Variants in IFFO2 observed in about 807,000 individuals in gnomAD.
The protein encoded by IFFO2 is intermediate filament family orphan 2.
IFFO2 carries 19 observed loss-of-function variants against 53.5 expected under a neutral mutation model. The ratio of observed to expected loss-of-function variants is 0.36; its 90% CI spans 0.25 to 0.52. The LOEUF (loss-of-function observed/expected upper bound fraction) is 0.52, where lower values mean the gene tolerates loss of function less well. Among genes scored for constraint, IFFO2 ranks in the 20% least tolerant of loss-of-function variants. IFFO2 has a pLI of 0.94. For synonymous variants in IFFO2, 303 were observed against 313.6 expected (o/e 0.97, Z 0.36); for missense variants, 570 against 727.4 (o/e 0.78, Z 2.49).
intron 1 of IFFO2, among the ~76,000 whole-genome samples, chr1:18,923,448 C>A (rs1295659540): frequency 1.3e-5 from 2 of 152,222 alleles, no homozygotes; most frequent in Non-Finnish European, 2.9e-5. Flanking sequence ...AGATCTTTGG[C>A]TTTCCAGACA....
chr1:18,911,495 C>A lies in IFFO2; in HGVS notation c.1225-19G>T, dbSNP rs762534700. 16 of 1,127,302 alleles carry A rather than the reference C, an allele frequency of 1.4e-5. No individual in the cohort carries two copies. The highest frequency in any genetic ancestry group is 2.0e-5 in the Non-Finnish European group (16 of 815,022). 69.8% of individuals were successfully genotyped at this position (1,127,302 alleles called of 1,614,324 possible). ...CCTCTTGCTGGGGAAATAGAACAAA[C>A]GGGACAGTTTATTTTATTTATTTAT... is the stretch of plus-strand genomic sequence containing the variant. On this transcript the variant is annotated intron_variant, in intron 6 of 8. Coordinates refer to ENST00000455833, the MANE Select transcript of IFFO2 (RefSeq NM_001136265.2).
rs1014176370 is a variant in IFFO2, at chr1:18,918,859, C to A, written c.823-357G>T. ...CCCTTCTTTTCCCACCGGCACACCCCACCTGTCCCCCACACAGGCAGCTCT... is the reference window on the plus strand; with the variant it reads ...CCCTTCTTTTCCCACCGGCACACCCAACCTGTCCCCCACACAGGCAGCTCT... On this transcript the variant is annotated intron_variant, in intron 3 of 8. Transcript: ENST00000455833. This position sits in a 1 kb window ranked among gnomAD's most constrained non-coding sequence, Gnocchi z 5.2. Among the ~76,000 whole-genome samples the A allele has an allele frequency of 3.3e-5, 5 of 152,158 alleles. No individual in the cohort carries two copies. The highest frequency in any genetic ancestry group is 1.2e-4 in the African/African-American group (5 of 41,434).
chr1:18,943,823 G>A (rs1936552697), intron 1 of IFFO2, among the ~76,000 whole-genome samples: 1 of 152,204 alleles, frequency 6.6e-6, no homozygotes. Flanking sequence ...TTTGTAGGTG[G>A]AGGGAGCTTC....
chr1:18,955,839 G>C lies in IFFO2; in HGVS notation c.494C>G (p.Thr165Arg), dbSNP rs1274804486. The C allele has an allele frequency of 6.6e-7, 1 of 1,513,664 alleles. No homozygotes were observed. Among genetic ancestry groups the C allele is most frequent in the East Asian group, 2.6e-5 (1 of 37,950 alleles). 93.8% of individuals were successfully genotyped at this position (1,513,664 alleles called of 1,614,324 possible). Residue 165 changes from threonine to arginine, a missense_variant, in exon 1 of 9, where the codon ACG becomes AGG. Transcript: ENST00000455833. ...GCCGCCGCCCGTGCGCCGCACCTGC[G>C]TGTAGCTCCAGATGGTCCCGGGCAG... Reference protein sequence around the residue: ...GRLPGTIWSYTQVRRTGGGGV... With the variant: ...GRLPGTIWSYRQVRRTGGGGV...
chr1:18,936,548 T>C lies in IFFO2; in HGVS notation c.666-15427A>G, dbSNP rs934830120. ...GTGTGGGGGCCCCCAGGCCCAGGGT[T>C]ATGTTTACAGCTTTGAGAAAAACAG... On this transcript the variant is annotated intron_variant, in intron 1 of 8. Transcript: ENST00000455833. This position sits in a 1 kb window ranked among gnomAD's most constrained non-coding sequence, Gnocchi z 4.5. Among the ~76,000 whole-genome samples the C allele has an allele frequency of 6.6e-6, 1 of 152,218 alleles. No homozygotes were observed. Among genetic ancestry groups the C allele is most frequent in the Non-Finnish European group, 1.5e-5 (1 of 68,034 alleles).
chr1:18,953,973 C>T (rs752871413), intron 1 of IFFO2, among the ~76,000 whole-genome samples: 2 of 152,230 alleles, frequency 1.3e-5, no homozygotes, highest in African/African-American at 2.4e-5. Context: ...GGGCCCGGCC[C>T]ATCCCTCCCC....
rs1244040723 is a variant in IFFO2, at chr1:18,917,750, A to G, written c.963+612T>C. The stretch of plus-strand genomic sequence containing the variant: ...AATGACATGTGCCTCATTCGGCTGG[A>G]CTGGCCCCCCAAGCCCTCTCTGGAA... On this transcript the variant is annotated intron_variant, in intron 4 of 8. Transcript: ENST00000455833. This position sits in a 1 kb window ranked among gnomAD's most constrained non-coding sequence, Gnocchi z 5.9. Among the ~76,000 whole-genome samples, 1 of 151,840 alleles carries G rather than the reference A, an allele frequency of 6.6e-6. No homozygotes were observed. Among genetic ancestry groups the G allele is most frequent in the Non-Finnish European group, 1.5e-5 (1 of 67,992 alleles).
In IFFO2 at chr1:18,919,681, A is replaced by G. The variant is rs1936189408; in HGVS notation, c.819T>C (p.Ser273=). 1 of 1,550,224 alleles carries G rather than the reference A, an allele frequency of 6.5e-7. No homozygotes were observed. The highest frequency in any genetic ancestry group is 1.4e-5 in the African/African-American group (1 of 72,946). ...AELVVFKGLM[S]DPMTDLDTKI... ...AGGGGCGGCGGGCGGCACTTACGTC[A>G]CTCATAAGCCCCTTAAACACCACCA... The change falls in exon 3 of 9, where the codon AGT becomes AGC. Residue 273 remains serine (S), a synonymous_variant. Transcript: ENST00000455833. The surrounding 1 kb of genome is among the most constrained non-coding windows in gnomAD (Gnocchi z 4.9).
chr1:18,956,028 GAGA>G lies in IFFO2; in HGVS notation c.302_304del (p.Phe101del). ...CCCGGTCTGCACGGCCTGCTCGCGGGAGAAGGTCTTGTAGCGCAGCCGCCGCTC... is the reference window on the plus strand; with the variant it reads ...CCCGGTCTGCACGGCCTGCTCGCGGGAGGTCTTGTAGCGCAGCCGCCGCTC... On this transcript the variant is annotated inframe_deletion, in exon 1 of 9. Transcript: ENST00000455833. This position sits in a 1 kb window ranked among gnomAD's most constrained non-coding sequence, Gnocchi z 6.4. 14 of 1,451,244 alleles carry G rather than the reference GAGA, an allele frequency of 9.6e-6. No homozygotes were observed. Among genetic ancestry groups the G allele is most frequent in the Non-Finnish European group, 1.3e-5 (14 of 1,088,508 alleles). 89.9% of individuals were successfully genotyped at this position (1,451,244 alleles called of 1,614,324 possible). A position where few individuals can be genotyped will look rare whatever the true frequency, so the allele number is the denominator to read the frequency against.
In IFFO2 at chr1:18,916,039, CA is replaced by C. The variant is rs920394351; in HGVS notation, c.1103+863del. Among the ~76,000 whole-genome samples the C allele has an allele frequency of 6.6e-6, 1 of 151,974 alleles. No homozygotes were observed. The highest frequency in any genetic ancestry group is 1.5e-5 in the Non-Finnish European group (1 of 67,998). ...ACTTGGGAGGCTGAGGCAGGAGAAA[CA>C]CTGGAACCCGGGAGGCAGAGGTTGC... On this transcript the variant is annotated intron_variant, in intron 5 of 8. Coordinates refer to ENST00000455833, the MANE Select transcript of IFFO2 (RefSeq NM_001136265.2). This position sits in a 1 kb window ranked among gnomAD's most constrained non-coding sequence, Gnocchi z 4.3.
chr1:18,952,224 C>T (rs923917501), intron 1 of IFFO2, among the ~76,000 whole-genome samples: 3 of 152,162 alleles, frequency 2.0e-5, no homozygotes, highest in Admixed American at 6.6e-5. Flanking sequence ...GTTTCCAAAT[C>T]AACGCTTGAC....
At chr1:18,930,653 C>G (rs1318920164) in intron 1 of IFFO2, among the ~76,000 whole-genome samples, 1 of 152,220 alleles carries the variant, frequency 6.6e-6, no homozygotes, top group African/African-American at 2.4e-5. Flanking sequence ...GAGAGCCCAG[C>G]TGGTCTCATG....
intron 1 of IFFO2, among the ~76,000 whole-genome samples, chr1:18,921,341 T>G (rs1283843969): frequency 1.3e-5 from 2 of 152,128 alleles, no homozygotes; most frequent in Non-Finnish European, 2.9e-5. Context: ...CAGGTGGTGG[T>G]GACAAGTGCC....
chr1:18,949,434 C>T (rs1018317067), intron 1 of IFFO2, among the ~76,000 whole-genome samples: 6 of 152,370 alleles, frequency 3.9e-5, no homozygotes, highest in African/African-American at 1.4e-4. Flanking sequence ...GAAAAAGCAA[C>T]ACATCCCTAA....
At position 18,904,414 on chromosome 1, in the gene IFFO2, C is replaced by G. The variant is rs915752280; in HGVS notation, c.*4147G>C. On this transcript the variant is annotated 3_prime_UTR_variant, in exon 9 of 9. Coordinates refer to ENST00000455833, the MANE Select transcript of IFFO2 (RefSeq NM_001136265.2). ...GTCTTTCCATGAGTATAAATCCCCC[C>G]CTTCCCTGTGATGCTAGACCCAGCT... is the stretch of plus-strand genomic sequence containing the variant. 2 of 152,184 alleles carry G rather than the reference C, an allele frequency of 1.3e-5. No individual in the cohort carries two copies. Among genetic ancestry groups the G allele is most frequent in the African/African-American group, 2.4e-5 (1 of 41,426 alleles). 9.4% of individuals were successfully genotyped at this position (152,184 alleles called of 1,614,324 possible).
Position 18,918,286 on chromosome 1 carries a change from G to T in IFFO2, c.963+76C>A. The T allele has an allele frequency of 2.1e-6, 3 of 1,445,898 alleles. No individual in the cohort carries two copies. Among genetic ancestry groups the T allele is most frequent in the South Asian group, 1.3e-5 (1 of 78,842 alleles). The allele number at this position is 1,445,898 out of a possible 1,614,324, so 89.6% of individuals were successfully genotyped here. The stretch of plus-strand genomic sequence containing the variant: ...AGTGGGATGTGGAGGCAAACGGGTT[G>T]GCCGGGCAGGGGTGGAGGCCAGGGC... On this transcript the variant is annotated intron_variant, in intron 4 of 8. Coordinates refer to ENST00000455833, the MANE Select transcript of IFFO2 (RefSeq NM_001136265.2). This position sits in a 1 kb window ranked among gnomAD's most constrained non-coding sequence, Gnocchi z 5.2.
Position 18,910,334 on chromosome 1 carries a change from G to C in IFFO2, c.1448+8C>G. The C allele has an allele frequency of 6.3e-7, 1 of 1,599,332 alleles. No individual in the cohort carries two copies. Among genetic ancestry groups the C allele is most frequent in the Non-Finnish European group, 8.5e-7 (1 of 1,173,054 alleles). On this transcript the variant is annotated splice_region_variant and intron_variant, in intron 8 of 8. Transcript: ENST00000455833. ...ATAGCTGAATCCCCTGGGAGGATGG[G>C]CGGGTACCTGTCTGCGGAGCCTTTG...
At position 18,916,846 on chromosome 1, in the gene IFFO2, GC is replaced by G. The variant is rs1282893397; in HGVS notation, c.1103+56del. On this transcript the variant is annotated intron_variant, in intron 5 of 8. Coordinates refer to ENST00000455833, the MANE Select transcript of IFFO2 (RefSeq NM_001136265.2). The surrounding 1 kb of genome is among the most constrained non-coding windows in gnomAD (Gnocchi z 4.3). ...TCTCAGCCCAAGCCTCCCATTCACC[GC>G]CCCTGTGCAAGCAATCCGGGGAAAC... is the stretch of plus-strand genomic sequence containing the variant. 3 of 1,535,934 alleles carry G rather than the reference GC, an allele frequency of 2.0e-6. No homozygotes were observed. The highest frequency in any genetic ancestry group is 8.8e-7 in the Non-Finnish European group (1 of 1,135,364).
rs932208620 is a variant in IFFO2 at position 18,928,060 on chromosome 1, C to A, written c.666-6939G>T. Among the ~76,000 whole-genome samples, 5 of 152,258 alleles carry A rather than the reference C, an allele frequency of 3.3e-5. No homozygotes were observed. The highest frequency in any genetic ancestry group is 1.3e-4 in the Admixed American group (2 of 15,292). ...CCTCCTGGGCAGCTCAGCACTGATGCACGTGTGGATGCCTTGCCTCCTGAC... is the reference window on the plus strand; with the variant it reads ...CCTCCTGGGCAGCTCAGCACTGATGAACGTGTGGATGCCTTGCCTCCTGAC... On this transcript the variant is annotated intron_variant, in intron 1 of 8. Transcript: ENST00000455833. The surrounding 1 kb of genome is among the most constrained non-coding windows in gnomAD (Gnocchi z 4.9).
Sources: gnomAD v4.1 joint callset for allele counts (sites outside exome capture counted in the v4.1 genomes callset) on GRCh38, gnomAD v4.1.1 for gene constraint, Gnocchi (gnomAD v3.1) non-coding constraint, MANE v1.5 for transcripts, NCBI Gene and HGNC (gene_info 2026-07-23, HGNC 2026-07-21) for gene names.